PXK: variants seen among roughly 807,000 people sequenced by gnomAD.
The protein encoded by PXK is PX domain containing serine/threonine kinase like.
PXK carries 35 observed loss-of-function variants against 84.7 expected under a neutral mutation model. The observed-to-expected ratio is 0.41, with a 90% confidence interval of 0.32 to 0.55. The LOEUF is 0.55. Among genes scored for constraint, PXK ranks in the 20% least tolerant of loss-of-function variants. The pLI is 0.21. For missense variants in PXK, 634 were observed against 699.7 expected, an observed-to-expected ratio of 0.91 and a Z score of 1.06; for synonymous variants, 253 against 260.8, an observed-to-expected ratio of 0.97 and a Z score of 0.29.
In PXK at chr3:58,425,896, T is replaced by G. The variant is rs1291895931; in HGVS notation, c.*936T>G. On this transcript the variant is annotated 3_prime_UTR_variant, in exon 18 of 18. Transcript: ENST00000356151. ...CAATAAATTGCACTTTAAAGGATTA[T>G]AAATAATCCATTTAAAAATTCAAGT... 1.3e-5 allele frequency: 2 copies of G among 152,236 alleles called. No individual in the cohort carries two copies. Among genetic ancestry groups the G allele is most frequent in the Non-Finnish European group, 2.9e-5 (2 of 68,038 alleles). The allele number at this position is 152,236 out of a possible 1,614,324, so 9.4% of individuals were successfully genotyped here.
intron 1 of PXK, among the ~76,000 whole-genome samples, chr3:58,351,894 G>A (rs1375183541): frequency 6.6e-6 from 1 of 152,186 alleles, no homozygotes; most frequent in African/African-American, 2.4e-5. Flanking sequence ...CTCACCTGCA[G>A]ACACTTTGTG....
At chr3:58,423,863 C>T (rs919823933) in intron 17 of PXK, among the ~76,000 whole-genome samples, 1 of 152,214 alleles carries the variant, frequency 6.6e-6, no homozygotes, top group South Asian at 2.1e-4. Flanking sequence ...ATATAAAATT[C>T]GAGTTGCAAA....
Position 58,397,260 on chromosome 3 carries a change from T to C in PXK, c.984+60T>C, listed in dbSNP as rs1315019453. The C allele has an allele frequency of 1.9e-5, 30 of 1,554,796 alleles. No individual in the cohort carries two copies. Among genetic ancestry groups the C allele is most frequent in the Non-Finnish European group, 2.6e-5 (29 of 1,132,290 alleles). On this transcript the variant is annotated intron_variant, in intron 10 of 17. Transcript: ENST00000356151. This position sits in a 1 kb window ranked among gnomAD's most constrained non-coding sequence, Gnocchi z 4.7. ...TTTTAGGTGTCAGTTATCCCCATGA[T>C]CTGCCCATGTAGGAAATATGCACCA...
chr3:58,401,696 G>C lies in PXK; in HGVS notation c.1182-2166G>C, dbSNP rs1204944344. Among the ~76,000 whole-genome samples the C allele has an allele frequency of 6.6e-6, 1 of 151,782 alleles. No individual in the cohort carries two copies. Among genetic ancestry groups the C allele is most frequent in the African/African-American group, 2.4e-5 (1 of 41,302 alleles). On this transcript the variant is annotated intron_variant, in intron 12 of 17. Coordinates refer to ENST00000356151, the MANE Select transcript of PXK (RefSeq NM_017771.5). The surrounding 1 kb of genome is among the most constrained non-coding windows in gnomAD (Gnocchi z 4.4). ...AATCCCAGCACTTTAGGAGGCCAAG[G>C]CAGGTGGATCACAAGGTCAGGAGAT...
rs992026623 is a variant in PXK at position 58,364,437 on chromosome 3, C to T, written c.103-1437C>T. The stretch of plus-strand genomic sequence containing the variant: ...TAATTATAAATCATTATAGGCTGGG[C>T]GCGGTGGCTCACGCCTGTAATCCCA... On this transcript the variant is annotated intron_variant, in intron 1 of 17. Transcript: ENST00000356151. This position sits in a 1 kb window ranked among gnomAD's most constrained non-coding sequence, Gnocchi z 4.3. Among the ~76,000 whole-genome samples the T allele has an allele frequency of 6.6e-6, 1 of 151,962 alleles. No homozygotes were observed. The highest frequency in any genetic ancestry group is 1.5e-5 in the Non-Finnish European group (1 of 67,992).
At chr3:58,336,782 G>C (rs1007774622) in intron 1 of PXK, among the ~76,000 whole-genome samples, 2 of 152,164 alleles carry the variant, frequency 1.3e-5, no homozygotes, top group Non-Finnish European at 2.9e-5. Flanking sequence ...TGGGTAGGCT[G>C]TGTGTGATAG....
At chr3:58,382,790 C>T (rs984325167) in intron 4 of PXK, 90 bp downstream of exon 4, 38 of 998,534 alleles carry the variant, frequency 3.8e-5, no homozygotes, top group Middle Eastern at 2.2e-4. Flanking sequence ...AATGTTTTCT[C>T]AAAATGGGGA....
chr3:58,378,512 T>TTGTGTGTGTGTGTGTGTGTG (rs71091375), intron 3 of PXK, among the ~76,000 whole-genome samples: 4 of 29,062 alleles, frequency 1.4e-4, no homozygotes, highest in Non-Finnish European at 1.9e-4. Flanking sequence ...TTTTTTTTTT[T>TTGTGTGTGTGTGTGTGTGTG]TGTGTGTGTG....
intron 1 of PXK, among the ~76,000 whole-genome samples, chr3:58,358,960 C>T (rs943851999): frequency 3.3e-5 from 5 of 152,092 alleles, no homozygotes; most frequent in Admixed American, 2.6e-4. Context: ...TAAATTATAT[C>T]TATACACAGG....
chr3:58,393,054 A>C (rs1447808615), intron 7 of PXK, among the ~76,000 whole-genome samples: 1 of 152,170 alleles, frequency 6.6e-6, no homozygotes, highest in Non-Finnish European at 1.5e-5. Context: ...AGATAAGCAA[A>C]AATAAGAAAA....
At chr3:58,344,085 G>C (rs1200785707) in intron 1 of PXK, among the ~76,000 whole-genome samples, 2 of 152,108 alleles carry the variant, frequency 1.3e-5, no homozygotes. Context: ...ACAAATTGCC[G>C]CTTGATTTCT....
rs2062720859 is a variant in PXK at position 58,425,683 on chromosome 3, T to A, written c.*723T>A. 1 of 152,250 alleles carries A rather than the reference T, an allele frequency of 6.6e-6. No homozygotes were observed. Among genetic ancestry groups the A allele is most frequent in the South Asian group, 2.1e-4 (1 of 4,836 alleles). The allele number at this position is 152,250 out of a possible 1,614,324, so 9.4% of individuals were successfully genotyped here. A position where few individuals can be genotyped will look rare whatever the true frequency, so the allele number is the denominator to read the frequency against. ...AAAAGCTCTTGCCAATTAGAGGATC[T>A]TCTTAATCCTCAGCAATTAAGTTTG... is the stretch of plus-strand genomic sequence containing the variant. On this transcript the variant is annotated 3_prime_UTR_variant, in exon 18 of 18. Transcript: ENST00000356151.
rs2108523418 is a variant in PXK, at chr3:58,370,445, A to G, written c.201+967A>G. ...CAAGTGCCTTGGATTACTGAAGACTATTGTGCTCTTGTGTGTCATACTTCA... is the reference window on the plus strand; with the variant it reads ...CAAGTGCCTTGGATTACTGAAGACTGTTGTGCTCTTGTGTGTCATACTTCA... On this transcript the variant is annotated intron_variant, in intron 3 of 17. Transcript: ENST00000356151. This position sits in a 1 kb window ranked among gnomAD's most constrained non-coding sequence, Gnocchi z 4.2. Among the ~76,000 whole-genome samples, 1 of 152,300 alleles carries G rather than the reference A, an allele frequency of 6.6e-6. No homozygotes were observed. Among genetic ancestry groups the G allele is most frequent in the South Asian group, 2.1e-4 (1 of 4,830 alleles).
chr3:58,354,860 G>A (rs941497522), intron 1 of PXK, among the ~76,000 whole-genome samples: 47 of 151,994 alleles, frequency 3.1e-4, no homozygotes, highest in African/African-American at 1.1e-3. Context: ...GCTCGCGCTT[G>A]TAATCCCAAC....
chr3:58,415,751 C>CAG (rs1485250343), intron 17 of PXK, among the ~76,000 whole-genome samples: 1 of 152,200 alleles, frequency 6.6e-6, no homozygotes, highest in Non-Finnish European at 1.5e-5. Context: ...CAAGGAGGAC[C>CAG]AGGCAGCAAA....
rs535026047 is a variant in PXK, at chr3:58,355,272, A to G, written c.103-10602A>G. On this transcript the variant is annotated intron_variant, in intron 1 of 17. Coordinates refer to ENST00000356151, the MANE Select transcript of PXK (RefSeq NM_017771.5). ...GATTCTAGAATGCAGCAGGGTTGAGATGCTCTGCCTTAGGGGTAGAGAGGT... is the reference window on the plus strand; with the variant it reads ...GATTCTAGAATGCAGCAGGGTTGAGGTGCTCTGCCTTAGGGGTAGAGAGGT... 3.3e-5 allele frequency among the ~76,000 whole-genome samples: 5 copies of G among 152,298 alleles called. No individual in the cohort carries two copies. The South Asian group carries it at 1.0e-3, about 32-fold the overall frequency.
In PXK at chr3:58,378,500, T is replaced by C. The variant is rs866783750; in HGVS notation, c.202-4014T>C. 5.4e-3 allele frequency among the ~76,000 whole-genome samples: 231 copies of C among 43,036 alleles called. 17 individuals are homozygous for C. Among genetic ancestry groups the C allele is most frequent in the Middle Eastern group, 0.02 (2 of 98 alleles). 28.2% of individuals were successfully genotyped at this position (43,036 alleles called of 152,430 possible). A position where few individuals can be genotyped will look rare whatever the true frequency, so the allele number is the denominator to read the frequency against. On this transcript the variant is annotated intron_variant, in intron 3 of 17. Transcript: ENST00000356151. The stretch of plus-strand genomic sequence containing the variant: ...TGGACTTCATTTTTCTTCTTTTTTT[T>C]TTTTTTTTTTTTTGTGTGTGTGTGT...
At position 58,425,370 on chromosome 3, in the gene PXK, G is replaced by T; in HGVS notation, c.*410G>T. The T allele has an allele frequency of 1.2e-5, 2 of 165,950 alleles. No homozygotes were observed. Among genetic ancestry groups the T allele is most frequent in the Non-Finnish European group, 2.6e-5 (2 of 76,236 alleles). 10.3% of individuals were successfully genotyped at this position (165,950 alleles called of 1,614,324 possible). On this transcript the variant is annotated 3_prime_UTR_variant, in exon 18 of 18. Transcript: ENST00000356151. ...AGCTCCTAGAAACATTCCTCTTACAGTTCATTTCTCTAAAGCATTTTCTGA... is the reference window on the plus strand; with the variant it reads ...AGCTCCTAGAAACATTCCTCTTACATTTCATTTCTCTAAAGCATTTTCTGA...
At chr3:58,361,147 A>C (rs1333753175) in intron 1 of PXK, among the ~76,000 whole-genome samples, 2 of 151,494 alleles carry the variant, frequency 1.3e-5, no homozygotes. Context: ...AAATACAAAA[A>C]TTAGCCAGAA....
Sources: allele counts gnomAD v4.1 joint callset (sites outside exome capture counted in the v4.1 genomes callset), GRCh38; gene constraint gnomAD v4.1.1; non-coding constraint Gnocchi (gnomAD v3.1); transcripts MANE v1.5; gene names NCBI Gene and HGNC (gene_info 2026-07-23, HGNC 2026-07-21).